MAGI1: variants seen among roughly 807,000 people sequenced by gnomAD.
MAGI1 encodes the protein membrane associated guanylate kinase, WW and PDZ domain containing 1.
A neutral mutation model predicts 139.9 loss-of-function variants in MAGI1; 58 were observed. The observed-to-expected ratio is 0.41, with a 90% CI of 0.34 to 0.52. The LOEUF (loss-of-function observed/expected upper bound fraction) is 0.52. Ranked by LOEUF, MAGI1 falls within the 20% of genes least tolerant of loss-of-function variation. The pLI is 0.12. For synonymous variants in MAGI1, 812 were observed against 737.9 expected (o/e 1.10, Z -1.63); for missense variants, 1,874 against 1,901.6 (o/e 0.99, Z 0.27).
At position 65,536,944 on chromosome 3, in the gene MAGI1, G is replaced by A. The variant is rs560965618; in HGVS notation, c.431-43313C>T. Among the ~76,000 whole-genome samples the A allele has an allele frequency of 4.0e-4, 61 of 152,234 alleles. 1 individual carries two copies. The South Asian group carries it at 5.6e-3, about 14-fold the overall frequency. On this transcript the variant is annotated intron_variant, in intron 2 of 22. Coordinates refer to ENST00000402939, the MANE Select transcript of MAGI1 (RefSeq NM_001033057.2). ...CCAGAGCCAGCCATGCCCGTAGGTA[G>A]TTTATCTTTGGACGTTTTCATTAGG...
chr3:65,381,727 G>A (rs1161897573), intron 16 of MAGI1, 150 bp downstream of exon 16: 4 of 728,932 alleles, frequency 5.5e-6, no homozygotes, highest in Non-Finnish European at 8.8e-6. Flanking sequence ...TGCAGGGTTT[G>A]AGAGAAGCAA....
At chr3:65,900,904 A>G (rs991752158) in intron 1 of MAGI1, among the ~76,000 whole-genome samples, 23 of 152,198 alleles carry the variant, frequency 1.5e-4, no homozygotes. Flanking sequence ...ATATGCTAGG[A>G]GTGTGGACAG....
chr3:65,445,001 T>A (rs1948589222), intron 7 of MAGI1, among the ~76,000 whole-genome samples: 1 of 152,166 alleles, frequency 6.6e-6, no homozygotes, highest in Non-Finnish European at 1.5e-5. Flanking sequence ...TCTAAAAGAC[T>A]GAAAAAGGCA....
intron 8 of MAGI1, among the ~76,000 whole-genome samples, chr3:65,440,895 C>CAT (rs10677900): frequency 0.35 from 52,013 of 148,342 alleles, 9,874 homozygotes; most frequent in African/African-American, 0.48. Flanking sequence ...ATATATGGTA[C>CAT]ATATGTGTGT....
intron 6 of MAGI1, among the ~76,000 whole-genome samples, chr3:65,448,447 C>A (rs572582866): frequency 6.6e-6 from 1 of 152,030 alleles, no homozygotes; most frequent in African/African-American, 2.4e-5. Flanking sequence ...TTCAATAATC[C>A]TCTAATCAGT....
chr3:65,550,216 G>A (rs1315053756), intron 2 of MAGI1, among the ~76,000 whole-genome samples: 1 of 152,164 alleles, frequency 6.6e-6, no homozygotes, highest in Non-Finnish European at 1.5e-5. Context: ...GACCCCAGGA[G>A]GGGGTTAAGT....
At chr3:65,701,183 C>T (rs1044383527) in intron 1 of MAGI1, among the ~76,000 whole-genome samples, 12 of 135,768 alleles carry the variant, frequency 8.8e-5, no homozygotes, top group African/African-American at 2.7e-4. Context: ...CCCCAGTTTA[C>T]TAATGAAAAA....
intron 1 of MAGI1, among the ~76,000 whole-genome samples, chr3:65,911,547 A>G (rs1274051567): frequency 6.6e-6 from 1 of 152,022 alleles, no homozygotes; most frequent in Non-Finnish European, 1.5e-5. Flanking sequence ...TTTTTTTTGC[A>G]CTTAGGACCA....
At chr3:65,747,108 C>A (rs888731316) in intron 1 of MAGI1, among the ~76,000 whole-genome samples, 1 of 152,156 alleles carries the variant, frequency 6.6e-6, no homozygotes, top group African/African-American at 2.4e-5. Flanking sequence ...CAAAGCCAGC[C>A]TGAGCAACAA....
chr3:65,746,323 C>T (rs1381926597), intron 1 of MAGI1, among the ~76,000 whole-genome samples: 3 of 152,156 alleles, frequency 2.0e-5, no homozygotes, highest in Non-Finnish European at 2.9e-5. Flanking sequence ...TGTGAGCCAC[C>T]ACGTCCAGCC....
intron 10 of MAGI1, among the ~76,000 whole-genome samples, chr3:65,433,016 T>C (rs1473680396): frequency 6.6e-6 from 1 of 152,176 alleles, no homozygotes; most frequent in Non-Finnish European, 1.5e-5. Context: ...CTTATTGCTT[T>C]GGTTTTCTTA....
intron 21 of MAGI1, among the ~76,000 whole-genome samples, chr3:65,362,965 C>G (rs1382774044): frequency 6.6e-6 from 1 of 152,158 alleles, no homozygotes; most frequent in Non-Finnish European, 1.5e-5. Context: ...ATATTCATGC[C>G]ACAGAGCCCT....
At chr3:65,923,224 A>ACC (rs2062311422) in intron 1 of MAGI1, among the ~76,000 whole-genome samples, 4 of 102,674 alleles carry the variant, frequency 3.9e-5, no homozygotes, top group African/African-American at 1.4e-4. Context: ...TTCAACAGAC[A>ACC]TCTTTTTTTT....
intron 1 of MAGI1, among the ~76,000 whole-genome samples, chr3:65,734,298 A>G (rs2034484535): frequency 6.6e-6 from 1 of 152,026 alleles, no homozygotes; most frequent in African/African-American, 2.4e-5. Context: ...TGCCTCTACA[A>G]AAATTTAAAG....
intron 2 of MAGI1, chr3:65,498,931 T>C (rs958023981): frequency 1.2e-6 from 1 of 851,258 alleles, no homozygotes; most frequent in Admixed American, 6.2e-5. Context: ...CATGAGAATA[T>C]CTGAGTTGCC....
chr3:65,981,766 T>C (rs112312377), intron 1 of MAGI1, among the ~76,000 whole-genome samples: 5,014 of 152,216 alleles, frequency 0.033, 256 homozygotes, highest in African/African-American at 0.11. Flanking sequence ...TCGGTTCTTA[T>C]TTTTTCCTTT....
intron 1 of MAGI1, among the ~76,000 whole-genome samples, chr3:66,000,745 CT>C (rs1390914452): frequency 5.3e-5 from 8 of 152,212 alleles, no homozygotes; most frequent in Non-Finnish European, 1.2e-4. Context: ...TGTTTACTTC[CT>C]GTCCATGGCA....
At chr3:65,742,019 T>G (rs1001139885) in intron 1 of MAGI1, among the ~76,000 whole-genome samples, 1 of 152,172 alleles carries the variant, frequency 6.6e-6, no homozygotes, top group Non-Finnish European at 1.5e-5. Flanking sequence ...TGGAATGCAG[T>G]CTACAAAATG....
At chr3:65,694,460 T>C (rs942446445) in intron 1 of MAGI1, among the ~76,000 whole-genome samples, 28 of 152,148 alleles carry the variant, frequency 1.8e-4, no homozygotes, top group African/African-American at 6.5e-4. Flanking sequence ...TATGAAGTGT[T>C]CTCATCACCA....
Sources: gnomAD v4.1 joint callset for allele counts (sites outside exome capture counted in the v4.1 genomes callset) on GRCh38, gnomAD v4.1.1 for gene constraint, MANE v1.5 for transcripts, NCBI Gene and HGNC (gene_info 2026-07-23, HGNC 2026-07-21) for gene names.